The following PTGER2 variants were observed in gnomAD, a reference collection of about 807,000 sequenced individuals.
PTGER2 encodes the protein prostaglandin E2 receptor EP2 subtype.
In PTGER2, 22 loss-of-function variants were observed where a neutral mutation model predicts 26.2. The observed-to-expected ratio is 0.84, with a 90% CI of 0.60 to 1.20. PTGER2 has a LOEUF of 1.20. Among genes scored for constraint, PTGER2 ranks in the 50% most tolerant of loss-of-function variants. PTGER2 has a pLI of 0.00. For synonymous variants in PTGER2, 219 were observed against 208.9 expected (o/e 1.05, Z -0.42); for missense variants, 458 against 475.2 (o/e 0.96, Z 0.34).
chr14:52,315,262 G>A lies in PTGER2; in HGVS notation c.714G>A (p.Leu238=), dbSNP rs779156477. 6.2e-7 allele frequency: 1 copy of A among 1,613,250 alleles called. No individual in the cohort carries two copies. Among genetic ancestry groups the A allele is most frequent in the East Asian group, 2.2e-5 (1 of 44,846 alleles). ...RSRRSRCGPS[L]GSGRGGPGAR... is the part of the protein sequence containing the mutation. ...GGAGAAGCCGCTGCGGACCTTCCCT[G>A]GGCAGTGGCCGGGGCGGCCCCGGGG... The change falls in exon 1 of 2, where the codon CTG becomes CTA. Residue 238 remains leucine, a synonymous_variant. Transcript: ENST00000245457.
intron 1 of PTGER2, among the ~76,000 whole-genome samples, chr14:52,320,568 G>C (rs2033884882): frequency 6.6e-6 from 1 of 152,154 alleles, no homozygotes; most frequent in African/African-American, 2.4e-5. Context: ...GCAATGAACA[G>C]GTCTCTTTCC....
In PTGER2 at chr14:52,315,041, C is replaced by A. The variant is rs150176330; in HGVS notation, c.493C>A (p.Leu165Met). ...AVLPVIYAVSLLFCSLPLLDY... is the reference protein window; with the variant it reads ...AVLPVIYAVSMLFCSLPLLDY... ...GCTGCCTGTCATCTATGCAGTCTCC[C>A]TGCTCTTCTGCTCGCTGCCGCTGCT... The change falls in exon 1 of 2, where the codon CTG becomes ATG. Residue 165 changes from leucine (L) to methionine (M), a missense_variant. Transcript: ENST00000245457. The A allele has an allele frequency of 6.6e-5, 107 of 1,612,878 alleles. No individual in the cohort carries two copies. Among genetic ancestry groups the A allele is most frequent in the Non-Finnish European group, 8.3e-5 (98 of 1,179,976 alleles).
intron 1 of PTGER2, among the ~76,000 whole-genome samples, chr14:52,323,425 G>T (rs2033918121): frequency 6.6e-6 from 1 of 152,014 alleles, no homozygotes; most frequent in Admixed American, 6.6e-5. Flanking sequence ...GGTAATTTTT[G>T]TATTTTTTAG....
At chr14:52,316,500 A>G (rs1362890054) in intron 1 of PTGER2, among the ~76,000 whole-genome samples, 1 of 152,192 alleles carries the variant, frequency 6.6e-6, no homozygotes, top group African/African-American at 2.4e-5. Context: ...GCAGCATCAA[A>G]GCAGTTAATA....
intron 1 of PTGER2, among the ~76,000 whole-genome samples, chr14:52,324,678 TTA>T (rs2033930999): frequency 6.6e-6 from 1 of 152,342 alleles, no homozygotes; most frequent in Non-Finnish European, 1.5e-5. Flanking sequence ...AAATTTTATG[TTA>T]TATTTATTTT....
intron 1 of PTGER2, among the ~76,000 whole-genome samples, chr14:52,326,815 T>G (rs2033955409): frequency 6.6e-6 from 1 of 152,128 alleles, no homozygotes; most frequent in Admixed American, 6.6e-5. Flanking sequence ...TAAAGCGGGG[T>G]TAGTACCCAG....
chr14:52,320,488 C>T (rs755583205), intron 1 of PTGER2, among the ~76,000 whole-genome samples: 4 of 152,038 alleles, frequency 2.6e-5, no homozygotes, highest in Non-Finnish European at 4.4e-5. Flanking sequence ...TCTTCTTTGG[C>T]ATATCAAAAA....
At chr14:52,326,792 T>C (rs996161284) in intron 1 of PTGER2, among the ~76,000 whole-genome samples, 1 of 152,216 alleles carries the variant, frequency 6.6e-6, no homozygotes, top group Admixed American at 6.5e-5. Flanking sequence ...AGAGTTTCTA[T>C]AAGGAGTAGA....
intron 1 of PTGER2, among the ~76,000 whole-genome samples, chr14:52,322,315 A>G (rs968604027): frequency 1.3e-5 from 2 of 152,164 alleles, no homozygotes; most frequent in African/African-American, 4.8e-5. Flanking sequence ...AGCAGGGAGT[A>G]GGTCACAAAG....
chr14:52,320,802 C>A (rs2033886793), intron 1 of PTGER2, among the ~76,000 whole-genome samples: 1 of 152,186 alleles, frequency 6.6e-6, no homozygotes, highest in Non-Finnish European at 1.5e-5. Flanking sequence ...AACCTTGCAG[C>A]TGGGACATAC....
intron 1 of PTGER2, among the ~76,000 whole-genome samples, chr14:52,326,915 A>G (rs1337811875): frequency 2.6e-5 from 4 of 152,206 alleles, no homozygotes; most frequent in African/African-American, 9.7e-5. Context: ...ATTCTATTCT[A>G]GATGACAAGA....
rs2033820086 is a variant in PTGER2 at position 52,314,973 on chromosome 14, A to G, written c.425A>G (p.Tyr142Cys). 2 of 1,613,168 alleles carry G rather than the reference A, an allele frequency of 1.2e-6. No individual in the cohort carries two copies. The highest frequency in any genetic ancestry group is 8.5e-7 in the Non-Finnish European group (1 of 1,179,970). ...CGCTACCTCTCGATCGGGCACCCCT[A>G]CTTCTACCAGCGCCGCGTCTCGCGC... ...LERYLSIGHP[Y>C]FYQRRVSRSG... is the part of the protein sequence containing the mutation. Residue 142 changes from tyrosine to cysteine, a missense_variant, in exon 1 of 2, where the codon TAC (tyrosine) becomes TGC (cysteine). Tyr to Cys is a radical substitution (Grantham distance 194). Transcript: ENST00000245457. This position sits in a 1 kb window ranked among gnomAD's most constrained non-coding sequence, Gnocchi z 5.7.
At chr14:52,319,706 G>A (rs746272077) in intron 1 of PTGER2, among the ~76,000 whole-genome samples, 2 of 152,010 alleles carry the variant, frequency 1.3e-5, no homozygotes, top group Non-Finnish European at 2.9e-5. Context: ...CCCCTTTCTC[G>A]CCACTTTTCT....
intron 1 of PTGER2, among the ~76,000 whole-genome samples, chr14:52,316,856 C>T (rs2033846774): frequency 6.6e-6 from 1 of 152,200 alleles, no homozygotes; most frequent in African/African-American, 2.4e-5. Context: ...AAGACGCCCT[C>T]TTATAAAATG....
Position 52,314,956 on chromosome 14 carries a change from C to T in PTGER2, c.408C>T (p.Leu136=), listed in dbSNP as rs766067002. 7 of 1,613,198 alleles carry T rather than the reference C, an allele frequency of 4.3e-6. No individual in the cohort carries two copies. Among genetic ancestry groups the T allele is most frequent in the Non-Finnish European group, 5.1e-6 (6 of 1,179,962 alleles). ...MLFAMALERY[L]SIGHPYFYQR... ...TCGCCATGGCCCTGGAGCGCTACCT[C>T]TCGATCGGGCACCCCTACTTCTACC... The change falls in exon 1 of 2, where the codon CTC becomes CTT. Residue 136 remains leucine (L), a synonymous_variant. Transcript: ENST00000245457. This position sits in a 1 kb window ranked among gnomAD's most constrained non-coding sequence, Gnocchi z 5.7.
At chr14:52,319,203 A>C (rs1030673128) in intron 1 of PTGER2, among the ~76,000 whole-genome samples, 1 of 152,250 alleles carries the variant, frequency 6.6e-6, no homozygotes, top group African/African-American at 2.4e-5. Flanking sequence ...AGCTTTAAAA[A>C]TAAAATGGCA....
chr14:52,315,407 C>A lies in PTGER2; in HGVS notation c.843+16C>A. On this transcript the variant is annotated intron_variant, in intron 1 of 1. Transcript: ENST00000245457. Reference sequence around the variant, plus strand: ...GCCTTTCACGGTAAGTCACTCCCTACGTTTCCACAGCCCGGCTCTGCTCAG... The same window carrying A: ...GCCTTTCACGGTAAGTCACTCCCTAAGTTTCCACAGCCCGGCTCTGCTCAG... 2 of 1,610,668 alleles carry A rather than the reference C, an allele frequency of 1.2e-6. No homozygotes were observed. The highest frequency in any genetic ancestry group is 1.7e-6 in the Non-Finnish European group (2 of 1,179,848).
chr14:52,325,933 CCTT>C (rs1295037539), intron 1 of PTGER2, among the ~76,000 whole-genome samples: 1 of 152,204 alleles, frequency 6.6e-6, no homozygotes, highest in Non-Finnish European at 1.5e-5. Context: ...ACAAGCTGCT[CCTT>C]CTTCTGCAGA....
chr14:52,325,658 A>G (rs2033942475), intron 1 of PTGER2, among the ~76,000 whole-genome samples: 2 of 152,224 alleles, frequency 1.3e-5, no homozygotes, highest in Admixed American at 6.5e-5. Flanking sequence ...CAAGAAAGCT[A>G]TTGCTCCATT....
Sources: gnomAD v4.1 joint callset for allele counts (sites outside exome capture counted in the v4.1 genomes callset) on GRCh38, gnomAD v4.1.1 for gene constraint, Gnocchi (gnomAD v3.1) non-coding constraint, MANE v1.5 for transcripts, NCBI Gene and HGNC (gene_info 2026-07-23, HGNC 2026-07-21) for gene names.